Variants in EML1 observed in about 807,000 individuals in gnomAD.
The protein encoded by EML1 is echinoderm microtubule-associated protein-like 1.
EML1 carries 27 observed loss-of-function variants against 110.4 expected under a neutral mutation model. The ratio of observed to expected loss-of-function variants is 0.24; its 90% CI spans 0.18 to 0.34. EML1 has a LOEUF of 0.34. Ranked by LOEUF, EML1 falls within the 10% of genes least tolerant of loss-of-function variation. The probability of loss-of-function intolerance (pLI) is 1.00; values close to 1 mark genes in which losing one functional copy is unlikely to be tolerated. For synonymous variants in EML1, 344 were observed against 385.8 expected, an observed-to-expected ratio of 0.89 and a Z score of 1.27; for missense variants, 741 against 1,030.9, an observed-to-expected ratio of 0.72 and a Z score of 3.85.
intron 1 of EML1, among the ~76,000 whole-genome samples, chr14:99,757,511 A>G (rs890843374): frequency 3.3e-5 from 5 of 152,238 alleles, no homozygotes; most frequent in African/African-American, 1.2e-4. Context: ...ACACCCACGC[A>G]TGTACACTCA....
intron 16 of EML1, among the ~76,000 whole-genome samples, 185 bp downstream of exon 16, chr14:99,918,034 G>C (rs2060064042): frequency 6.6e-6 from 1 of 152,148 alleles, no homozygotes; most frequent in African/African-American, 2.4e-5. Flanking sequence ...TGAGCCTTGG[G>C]GAATCTGAGG....
In EML1 at chr14:99,939,950, T is replaced by C; in HGVS notation, c.2323-37T>C. ...TTCCCATCCCAGATGGTTCGCCTTG[T>C]AGTAAAGGAAGCTTTCCCCCGTATC... is the stretch of plus-strand genomic sequence containing the variant. On this transcript the variant is annotated intron_variant, in intron 21 of 21. Coordinates refer to ENST00000262233, the MANE Select transcript of EML1 (RefSeq NM_004434.3). The surrounding 1 kb of genome is among the most constrained non-coding windows in gnomAD (Gnocchi z 4.2). 6.6e-7 allele frequency: 1 copy of C among 1,505,412 alleles called. No individual in the cohort carries two copies. 93.3% of individuals were successfully genotyped at this position (1,505,412 alleles called of 1,614,324 possible).
At chr14:99,891,336 C>A in intron 5 of EML1, 109 bp downstream of exon 5, 2 of 1,431,512 alleles carry the variant, frequency 1.4e-6, no homozygotes, top group Non-Finnish European at 1.9e-6. Flanking sequence ...CACACAGGAG[C>A]TTTGGTTTGT....
chr14:99,809,513 C>T (rs1021549206), intron 1 of EML1: 10 of 387,260 alleles, frequency 2.6e-5, no homozygotes, highest in Non-Finnish European at 3.1e-5. Flanking sequence ...CTTGGACAGG[C>T]GCCCTGGTCG....
chr14:99,876,485 C>T (rs1244734882), intron 3 of EML1, among the ~76,000 whole-genome samples: 1 of 152,162 alleles, frequency 6.6e-6, no homozygotes, highest in African/African-American at 2.4e-5. Flanking sequence ...CCTGGTGTCG[C>T]TGCTACCTCT....
chr14:99,768,323 G>T (rs2140197776), upstream of EML1, among the ~76,000 whole-genome samples: 1 of 152,310 alleles, frequency 6.6e-6, no homozygotes. Flanking sequence ...ATGGTGGAGT[G>T]GTGAGATGGG....
In EML1 at chr14:99,916,926, C is replaced by G. The variant is rs115309156; in HGVS notation, c.1753-856C>G. ...CCCTGTGTATCTCTTTCATGGATCT[C>G]TTTCATGGATCATTCCATCTTGTAT... is the stretch of plus-strand genomic sequence containing the variant. On this transcript the variant is annotated intron_variant, in intron 15 of 21. Transcript: ENST00000262233. 3.4e-4 allele frequency among the ~76,000 whole-genome samples: 52 copies of G among 152,348 alleles called. 1 individual carries two copies. The highest frequency in any genetic ancestry group is 1.2e-3 in the African/African-American group (49 of 41,584).
At chr14:99,866,157 T>C (rs1306888558) in intron 3 of EML1, among the ~76,000 whole-genome samples, 2 of 152,218 alleles carry the variant, frequency 1.3e-5, no homozygotes, top group Non-Finnish European at 2.9e-5. Context: ...TTTTTATATT[T>C]TAGGGCCAGG....
intron 1 of EML1, among the ~76,000 whole-genome samples, chr14:99,829,221 C>T (rs1056275755): frequency 1.4e-4 from 21 of 152,170 alleles, no homozygotes; most frequent in Non-Finnish European, 1.5e-5. Flanking sequence ...CCAGTGTCAC[C>T]TGGACCAAGA....
chr14:99,918,504 A>C (rs1315467167), intron 16 of EML1, among the ~76,000 whole-genome samples: 4 of 152,192 alleles, frequency 2.6e-5, no homozygotes, highest in African/African-American at 9.7e-5. Context: ...AAACATTTCA[A>C]AGTGCTGAGC....
At chr14:99,762,157 C>G (rs1051985464) in intron 1 of EML1, among the ~76,000 whole-genome samples, 2 of 152,088 alleles carry the variant, frequency 1.3e-5, no homozygotes, top group African/African-American at 4.8e-5. Context: ...AGGGAGTGAC[C>G]TTGACCTTCA....
upstream of EML1, among the ~76,000 whole-genome samples, chr14:99,770,079 C>T (rs75703241): frequency 0.067 from 10,129 of 152,244 alleles, 404 homozygotes; most frequent in African/African-American, 0.11. Flanking sequence ...GTACCATTCC[C>T]CCCCATTTCC....
intron 1 of EML1, among the ~76,000 whole-genome samples, chr14:99,788,388 T>A (rs1239209233): frequency 2.0e-5 from 3 of 152,180 alleles, no homozygotes; most frequent in African/African-American, 7.2e-5. Context: ...AAATACTCGT[T>A]CTTACTATGC....
At position 99,898,264 on chromosome 14, in the gene EML1, G is replaced by A. The variant is rs1454763720; in HGVS notation, c.859G>A (p.Ala287Thr). 1.2e-6 allele frequency: 2 copies of A among 1,611,352 alleles called. No individual in the cohort carries two copies. Among genetic ancestry groups the A allele is most frequent in the Admixed American group, 1.7e-5 (1 of 59,796 alleles). Residue 287 changes from alanine (A) to threonine (T), a missense_variant, in exon 8 of 22, where the codon GCA becomes ACA. By Grantham distance (58) the Ala-to-Thr change is moderately conservative. This residue lies in a region of EML1 where 388 missense variants were observed against 605.6 expected (regional missense o/e 0.64). Coordinates refer to ENST00000262233, the MANE Select transcript of EML1 (RefSeq NM_004434.3). ...AGTTCATCCTGATCGGATCACGATA[G>A]CAACAGGACAAGTTGCGGGCACATC... ...LAVHPDRITI[A>T]TGQVAGTSKD... is the part of the protein sequence containing the mutation.
At chr14:99,766,414 G>A (rs769301364) in intron 1 of EML1, among the ~76,000 whole-genome samples, 5 of 151,808 alleles carry the variant, frequency 3.3e-5, no homozygotes, top group Non-Finnish European at 5.9e-5. Flanking sequence ...GGCTGGTCTC[G>A]AACTCCTGAT....
upstream of EML1, among the ~76,000 whole-genome samples, chr14:99,790,860 C>T (rs7154487): frequency 1.2e-4 from 11 of 89,672 alleles, no homozygotes; most frequent in Admixed American, 1.9e-4. Context: ...TTCTTTTTTT[C>T]TTTTCCTTTT....
intron 17 of EML1, among the ~76,000 whole-genome samples, chr14:99,935,475 A>G (rs986741227): frequency 1.3e-5 from 2 of 151,878 alleles, no homozygotes; most frequent in Non-Finnish European, 2.9e-5. Flanking sequence ...AAAAGAAAAA[A>G]AAAAAGAGTT....
chr14:99,821,442 C>T (rs2058261272), intron 1 of EML1, among the ~76,000 whole-genome samples: 1 of 152,128 alleles, frequency 6.6e-6, no homozygotes, highest in Non-Finnish European at 1.5e-5. Context: ...CACTTGAGGC[C>T]AAAAGTTCAA....
chr14:99,781,387 G>A lies in EML1; in HGVS notation c.-27+7374G>A, dbSNP rs968664722. The stretch of plus-strand genomic sequence containing the variant: ...ACTGCCAAGGCCATGCCCTCCCCCT[G>A]CACTCACTTCCTGATTCCTACACCC... On this transcript the variant is annotated intron_variant, in intron 1 of 22. Coordinates refer to the EML1 transcript ENST00000327921. This position sits in a 1 kb window ranked among gnomAD's most constrained non-coding sequence, Gnocchi z 4.2. Among the ~76,000 whole-genome samples the A allele has an allele frequency of 5.3e-5, 8 of 151,922 alleles. No individual in the cohort carries two copies. The highest frequency in any genetic ancestry group is 1.7e-4 in the African/African-American group (7 of 41,340).
Sources: gnomAD v4.1 joint callset for allele counts (sites outside exome capture counted in the v4.1 genomes callset) on GRCh38, gnomAD v4.1.1 for gene constraint, gnomAD v4.1.1 regional missense constraint, Gnocchi (gnomAD v3.1) non-coding constraint, MANE v1.5 for transcripts, NCBI Gene and HGNC (gene_info 2026-07-23, HGNC 2026-07-21) for gene names.